The following MDFIC2 variants were observed in gnomAD, a reference collection of about 807,000 sequenced individuals.
MDFIC2 encodes MyoD family inhibitor domain containing 2, also known as myoD family inhibitor domain-containing protein 2.
At chr3:70,266,351 A>C (rs917586430) in intron 2 of MDFIC2, among the ~76,000 whole-genome samples, 1 of 152,106 alleles carries the variant, frequency 6.6e-6, no homozygotes, top group Non-Finnish European at 1.5e-5. Flanking sequence ...ATTAAATATA[A>C]ACATTTTGGG....
chr3:70,303,509 G>C (rs745773259), intron 2 of MDFIC2, among the ~76,000 whole-genome samples: 5 of 152,102 alleles, frequency 3.3e-5, no homozygotes, highest in African/African-American at 1.2e-4. Flanking sequence ...TGATTCTCCT[G>C]AACCTAGATT....
At chr3:70,290,092 G>A (rs568671446) in intron 2 of MDFIC2, among the ~76,000 whole-genome samples, 299 of 152,240 alleles carry the variant, frequency 2.0e-3, no homozygotes, top group African/African-American at 5.9e-3. Flanking sequence ...GCTTTGTTCC[G>A]TTGCTGGTGA....
chr3:70,284,055 G>A (rs1374974275), intron 2 of MDFIC2, among the ~76,000 whole-genome samples: 1 of 151,998 alleles, frequency 6.6e-6, no homozygotes, highest in African/African-American at 2.4e-5. Context: ...TTAAAATCCT[G>A]GAATGAACTT....
intron 2 of MDFIC2, among the ~76,000 whole-genome samples, chr3:70,267,555 A>G (rs1353435836): frequency 2.7e-5 from 4 of 146,168 alleles, no homozygotes; most frequent in Admixed American, 6.9e-5. Context: ...GGCGCCCGCC[A>G]CCATGCCCGG....
At chr3:70,228,327 C>A (rs73117920) in intron 2 of MDFIC2, among the ~76,000 whole-genome samples, 5,535 of 151,934 alleles carry the variant, frequency 0.036, 128 homozygotes, top group Middle Eastern at 0.061. Flanking sequence ...AAAATCTTTT[C>A]TTTAATCAAA....
At chr3:70,211,946 G>T (rs1266957304) in intron 2 of MDFIC2, among the ~76,000 whole-genome samples, 1 of 148,620 alleles carries the variant, frequency 6.7e-6, no homozygotes, top group South Asian at 2.1e-4. Context: ...GTAATTCCTT[G>T]ACTGACCTAG....
intron 2 of MDFIC2, among the ~76,000 whole-genome samples, chr3:70,264,851 G>A (rs1701901112): frequency 6.6e-6 from 1 of 152,152 alleles, no homozygotes; most frequent in Non-Finnish European, 1.5e-5. Flanking sequence ...TTCTCACACT[G>A]CTAATAAAGA....
At chr3:70,224,571 C>T (rs1701487129) in intron 2 of MDFIC2, among the ~76,000 whole-genome samples, 1 of 152,166 alleles carries the variant, frequency 6.6e-6, no homozygotes, top group Non-Finnish European at 1.5e-5. Flanking sequence ...CCGCAATGCT[C>T]ACTAAGTGTC....
intron 3 of MDFIC2, among the ~76,000 whole-genome samples, chr3:70,203,652 G>C (rs1472510019): frequency 1.3e-5 from 2 of 152,118 alleles, no homozygotes; most frequent in Non-Finnish European, 2.9e-5. Flanking sequence ...GAAATTTACA[G>C]TGTAGAAAAT....
Position 70,194,616 on chromosome 3 carries a change from C to T in MDFIC2, c.*2310G>A, listed in dbSNP as rs558935764. 1.7e-4 allele frequency among the ~76,000 whole-genome samples: 26 copies of T among 152,258 alleles called. No homozygotes were observed. Among genetic ancestry groups the T allele is most frequent in the African/African-American group, 6.0e-4 (25 of 41,552 alleles). On this transcript the variant is annotated 3_prime_UTR_variant, in exon 4 of 4. Transcript: ENST00000567252. ...AGTTAACAAACCGTGGAAAGCAAGGCCACAGAAAGATCTTGTAGTGTTCTG... is the reference window on the plus strand; with the variant it reads ...AGTTAACAAACCGTGGAAAGCAAGGTCACAGAAAGATCTTGTAGTGTTCTG...
intron 2 of MDFIC2, among the ~76,000 whole-genome samples, chr3:70,282,950 T>C (rs1223304740): frequency 6.6e-6 from 1 of 152,182 alleles, no homozygotes; most frequent in South Asian, 2.1e-4. Flanking sequence ...CTTATAACCA[T>C]TGAGTGTCCA....
chr3:70,201,782 C>T (rs1465531019), intron 3 of MDFIC2, among the ~76,000 whole-genome samples: 1 of 152,190 alleles, frequency 6.6e-6, no homozygotes, highest in Admixed American at 6.5e-5. Flanking sequence ...CCTCTCCATT[C>T]CCTCCTCTTG....
intron 2 of MDFIC2, among the ~76,000 whole-genome samples, chr3:70,289,316 T>C (rs1398914922): frequency 6.6e-6 from 1 of 151,836 alleles, no homozygotes; most frequent in Non-Finnish European, 1.5e-5. Flanking sequence ...CCTTTGCTTA[T>C]GAAGCTTAGT....
chr3:70,304,031 T>G (rs370982119), intron 2 of MDFIC2, among the ~76,000 whole-genome samples: 102 of 152,292 alleles, frequency 6.7e-4, no homozygotes, highest in African/African-American at 2.4e-3. Context: ...TTTACTACAA[T>G]ATAAACTATA....
chr3:70,243,979 C>T (rs1701682689), intron 2 of MDFIC2, among the ~76,000 whole-genome samples: 3 of 152,132 alleles, frequency 2.0e-5, no homozygotes, highest in Admixed American at 6.6e-5. Context: ...TGCTAATTAT[C>T]TCCTCACCCT....
At chr3:70,223,410 A>G (rs780906107) in intron 2 of MDFIC2, among the ~76,000 whole-genome samples, 2 of 152,206 alleles carry the variant, frequency 1.3e-5, no homozygotes, top group Non-Finnish European at 2.9e-5. Context: ...AAACACTCAT[A>G]TCCAGTATTT....
intron 2 of MDFIC2, among the ~76,000 whole-genome samples, chr3:70,263,890 A>C (rs1701890737): frequency 6.6e-6 from 1 of 152,170 alleles, no homozygotes; most frequent in South Asian, 2.1e-4. Flanking sequence ...CGGGGTTCAC[A>C]GTCCTGCAAT....
chr3:70,240,552 T>C (rs1309618910), intron 2 of MDFIC2, among the ~76,000 whole-genome samples: 1 of 152,164 alleles, frequency 6.6e-6, no homozygotes, highest in East Asian at 1.9e-4. Flanking sequence ...ACAGATGCAC[T>C]GGTTGGCTTT....
At chr3:70,296,467 A>G (rs1394723623) in intron 2 of MDFIC2, among the ~76,000 whole-genome samples, 1 of 152,104 alleles carries the variant, frequency 6.6e-6, no homozygotes, top group Non-Finnish European at 1.5e-5. Flanking sequence ...ATCACCTCTC[A>G]CACCGTGACA....
Sources: gnomAD v4.1 joint callset for allele counts (sites outside exome capture counted in the v4.1 genomes callset) on GRCh38, gnomAD v4.1.1 for gene constraint, MANE v1.5 for transcripts, NCBI Gene and HGNC (gene_info 2026-07-23, HGNC 2026-07-21) for gene names.